Variants in ZBTB7C observed in about 807,000 individuals in gnomAD.
The protein encoded by ZBTB7C is zinc finger and BTB domain containing 7C.
ZBTB7C carries 8 observed loss-of-function variants against 25.7 expected under a neutral mutation model. The observed-to-expected ratio is 0.31, with a 90% CI of 0.18 to 0.56. The LOEUF (loss-of-function observed/expected upper bound fraction) is 0.56. ZBTB7C is among the 20% of genes least tolerant of loss of function. The pLI is 0.91. For missense variants in ZBTB7C, 824 were observed against 855.2 expected, an observed-to-expected ratio of 0.96 and a Z score of 0.46; for synonymous variants, 394 against 369.0, an observed-to-expected ratio of 1.07 and a Z score of -0.78.
At position 48,040,515 on chromosome 18, in the gene ZBTB7C, T is replaced by G; in HGVS notation, c.593A>C (p.Lys198Thr). The G allele has an allele frequency of 6.2e-7, 1 of 1,613,876 alleles. No individual in the cohort carries two copies. Among genetic ancestry groups the G allele is most frequent in the Non-Finnish European group, 8.5e-7 (1 of 1,179,904 alleles). The change falls in exon 4 of 5, where the codon AAG becomes ACG. Residue 198 changes from lysine (K) to threonine (T), a missense_variant. Around this residue, in one of 4 missense-constraint regions of ZBTB7C, gnomAD observed 316 missense variants for 299.2 expected, o/e 1.06. Transcript: ENST00000590800. The stretch of plus-strand genomic sequence containing the variant: ...GTCCCTGGGGGTGTCTGAATAGGCC[T>G]TCTCTGTGAGATGGTCTGTCTTGGA... The part of the protein sequence containing the change: ...SPSKTDHLTE[K>T]AYSDTPRDFP...
chr18:48,093,161 G>C (rs974057891), intron 3 of ZBTB7C, among the ~76,000 whole-genome samples: 1 of 152,240 alleles, frequency 6.6e-6, no homozygotes, highest in Non-Finnish European at 1.5e-5. Context: ...TTTCCTGCCA[G>C]TGCCCGAACT....
intron 2 of ZBTB7C, among the ~76,000 whole-genome samples, chr18:48,200,037 CTT>C (rs758265565): frequency 6.6e-6 from 1 of 151,608 alleles, no homozygotes; most frequent in Non-Finnish European, 1.5e-5. Flanking sequence ...TTTTTTGACT[CTT>C]GGGCCAGTCA....
chr18:48,246,346 C>T (rs979115787), intron 2 of ZBTB7C, among the ~76,000 whole-genome samples: 3 of 151,818 alleles, frequency 2.0e-5, no homozygotes, highest in Non-Finnish European at 4.4e-5. Context: ...AGGAGAATGG[C>T]GTGGACCCGG....
At chr18:48,219,432 C>T (rs191991951) in intron 2 of ZBTB7C, among the ~76,000 whole-genome samples, 121 of 152,320 alleles carry the variant, frequency 7.9e-4, no homozygotes, top group African/African-American at 2.8e-3. Context: ...CATTTACTCC[C>T]TACTGTATCC....
intron 3 of ZBTB7C, among the ~76,000 whole-genome samples, chr18:48,118,001 C>CTTCT (rs1279846625): frequency 2.3e-5 from 3 of 128,516 alleles, no homozygotes; most frequent in African/African-American, 8.8e-5. Context: ...TCTTCTTCTT[C>CTTCT]TTTTTTTTTT....
intron 2 of ZBTB7C, among the ~76,000 whole-genome samples, chr18:48,309,890 G>T (rs2045771278): frequency 6.6e-6 from 1 of 152,194 alleles, no homozygotes; most frequent in Non-Finnish European, 1.5e-5. Context: ...CCGGGTTCTG[G>T]TAAGAGTTGC....
At chr18:48,202,415 AG>A (rs1440553704) in intron 2 of ZBTB7C, among the ~76,000 whole-genome samples, 1 of 142,344 alleles carries the variant, frequency 7.0e-6, no homozygotes, top group African/African-American at 2.6e-5. Context: ...CTTCCAGGTG[AG>A]AGAAAGTGAA....
At chr18:48,153,061 T>C (rs1200558263) in intron 3 of ZBTB7C, among the ~76,000 whole-genome samples, 1 of 152,216 alleles carries the variant, frequency 6.6e-6, no homozygotes, top group Non-Finnish European at 1.5e-5. Context: ...AGCAGTGATG[T>C]TGGGATGTCA....
At chr18:48,123,006 T>TTGTCCTTGGGGCTC (rs1386184375) in intron 3 of ZBTB7C, among the ~76,000 whole-genome samples, 3 of 152,170 alleles carry the variant, frequency 2.0e-5, no homozygotes, top group African/African-American at 7.2e-5. Context: ...CTGGTCGAAC[T>TTGTCCTTGGGGCTC]TGTCCTTGGG....
intron 1 of ZBTB7C, among the ~76,000 whole-genome samples, chr18:48,396,108 A>G (rs1489908352): frequency 6.6e-6 from 1 of 152,124 alleles, no homozygotes; most frequent in Admixed American, 6.6e-5. Context: ...CTCCATCCCT[A>G]CCCCCCTCTC....
chr18:48,206,967 T>C (rs888952251), intron 2 of ZBTB7C, among the ~76,000 whole-genome samples: 10 of 151,790 alleles, frequency 6.6e-5, no homozygotes, highest in African/African-American at 2.4e-4. Flanking sequence ...AGAAATCACA[T>C]CCAAAACATA....
intron 2 of ZBTB7C, among the ~76,000 whole-genome samples, chr18:48,192,871 G>T (rs377507130): frequency 6.6e-6 from 1 of 152,306 alleles, no homozygotes; most frequent in East Asian, 1.9e-4. Flanking sequence ...GCGAGGGAGG[G>T]TATTGCAAAG....
At chr18:48,119,390 C>T (rs929031992) in intron 3 of ZBTB7C, among the ~76,000 whole-genome samples, 4 of 152,258 alleles carry the variant, frequency 2.6e-5, no homozygotes, top group Admixed American at 1.3e-4. Flanking sequence ...CCAGTGCAAG[C>T]GAGTCTTTGT....
intron 2 of ZBTB7C, among the ~76,000 whole-genome samples, chr18:48,224,701 C>A (rs373725939): frequency 5.3e-4 from 80 of 152,256 alleles, no homozygotes; most frequent in African/African-American, 1.8e-3. Context: ...CCAATTAGAC[C>A]CGTAAGGCCT....
At chr18:48,046,549 T>C (rs1265878778) in intron 3 of ZBTB7C, among the ~76,000 whole-genome samples, 1 of 152,250 alleles carries the variant, frequency 6.6e-6, no homozygotes, top group Admixed American at 6.5e-5. Flanking sequence ...CCTTTAGAGA[T>C]GAAAATGTTT....
chr18:48,078,751 A>G (rs1311523896), intron 3 of ZBTB7C, among the ~76,000 whole-genome samples: 1 of 152,176 alleles, frequency 6.6e-6, no homozygotes, highest in Non-Finnish European at 1.5e-5. Context: ...AGTTCAAGTT[A>G]ATGATGGACT....
chr18:48,310,122 C>G (rs1036137244), intron 2 of ZBTB7C, among the ~76,000 whole-genome samples: 25 of 151,616 alleles, frequency 1.6e-4, no homozygotes, highest in African/African-American at 5.8e-4. Context: ...CCCAGCTACT[C>G]GGGAGGCTGA....
In ZBTB7C at chr18:48,338,399, C is replaced by G. The variant is rs1188448025; in HGVS notation, c.-303-1G>C. The G allele has an allele frequency of 6.6e-6, 1 of 152,296 alleles. No individual in the cohort carries two copies. The highest frequency in any genetic ancestry group is 2.4e-5 in the African/African-American group (1 of 41,454). The allele number at this position is 152,296 out of a possible 1,614,324, so 9.4% of individuals were successfully genotyped here. ...GAGCTCCCAGCTGCTCAGAGGGGAT[C>G]TGCAGGAAGAACAGAGGGCTCCATC... On this transcript the variant is annotated splice_acceptor_variant, in intron 1 of 4. Transcript: ENST00000590800. LOFTEE classifies it low-confidence loss of function (5UTR_SPLICE).
chr18:48,371,173 C>T (rs950462965), intron 1 of ZBTB7C, among the ~76,000 whole-genome samples: 8 of 152,240 alleles, frequency 5.3e-5, no homozygotes, highest in Admixed American at 5.2e-4. Flanking sequence ...CACTCAATAC[C>T]CAAAACCTAC....
Sources: gnomAD v4.1 joint callset for allele counts (sites outside exome capture counted in the v4.1 genomes callset) on GRCh38, gnomAD v4.1.1 for gene constraint, gnomAD v4.1.1 regional missense constraint, MANE v1.5 for transcripts, NCBI Gene and HGNC (gene_info 2026-07-23, HGNC 2026-07-21) for gene names.